The following ADA2 variants were observed in gnomAD, a reference collection of about 807,000 sequenced individuals.
ADA2 encodes adenosine deaminase CECR1.
ADA2 carries 29 observed loss-of-function variants against 44.2 expected under a neutral mutation model. That is an observed-to-expected ratio of 0.66 (90% CI 0.49 to 0.89). The LOEUF (loss-of-function observed/expected upper bound fraction) is 0.89. ADA2 is among the 40% of genes least tolerant of loss of function. The pLI, the probability that ADA2 is intolerant of heterozygous loss-of-function variation, is 0.00. For synonymous variants in ADA2, 215 were observed against 234.9 expected (o/e 0.92, Z 0.77); for missense variants, 637 against 644.8 (o/e 0.99, Z 0.13).
In ADA2 at chr22:17,188,868, A is replaced by AAAAAAAAAAAATATATATATATATAT; in HGVS notation, c.973-422_973-421insATATATATATATATATTTTTTTTTTT. On this transcript the variant is annotated intron_variant, in intron 6 of 9. Coordinates refer to ENST00000399837, the MANE Select transcript of ADA2 (RefSeq NM_001282225.2). ...CACTACAGCCTGGCCAAGAGCAAAA[A>AAAAAAAAAAAATATATATATATATAT]ATATATATATATATATATTTTGTAA... is the stretch of plus-strand genomic sequence containing the variant. 19 of 81,182 alleles carry AAAAAAAAAAAATATATATATATATAT rather than the reference A, an allele frequency of 2.3e-4. 1 individual carries two copies. Among genetic ancestry groups the AAAAAAAAAAAATATATATATATATAT allele is most frequent in the African/African-American group, 7.6e-4 (18 of 23,808 alleles). 5.0% of individuals were successfully genotyped at this position (81,182 alleles called of 1,614,324 possible).
intron 7 of ADA2, among the ~76,000 whole-genome samples, chr22:17,187,719 G>A (rs75473402): frequency 0.014 from 2,047 of 151,352 alleles, 43 homozygotes; most frequent in African/African-American, 0.047. Context: ...ACTCCACTGC[G>A]CACCAGCTCT....
intron 4 of ADA2, among the ~76,000 whole-genome samples, chr22:17,192,635 C>T (rs2062132850): frequency 6.6e-6 from 1 of 152,128 alleles, no homozygotes. Context: ...CAAGACCAGC[C>T]TGGCCAACAT....
At chr22:17,219,472 C>T (rs1166586645), upstream of ADA2, 1 of 152,270 alleles carries the variant, frequency 6.6e-6, no homozygotes, top group African/African-American at 2.4e-5. Context: ...TATTTCCCTC[C>T]AGTGTGCACC....
intron 4 of ADA2, among the ~76,000 whole-genome samples, chr22:17,202,729 A>C (rs928530764): frequency 2.6e-5 from 4 of 151,342 alleles, no homozygotes; most frequent in Non-Finnish European, 5.9e-5. Context: ...CCTGGCTCCA[A>C]TTCATCACCT....
At position 17,200,853 on chromosome 22, in the gene ADA2, G is replaced by A. The variant is rs543443280; in HGVS notation, c.753+2710C>T. Reference sequence around the variant, plus strand: ...ACCAAGATGGTGCCATTGCACTCCAGCCTGGGCAACAAGAGCGAAACTCTG... The same window carrying A: ...ACCAAGATGGTGCCATTGCACTCCAACCTGGGCAACAAGAGCGAAACTCTG... On this transcript the variant is annotated intron_variant, in intron 4 of 9. Coordinates refer to ENST00000399837, the MANE Select transcript of ADA2 (RefSeq NM_001282225.2). 2.0e-5 allele frequency among the ~76,000 whole-genome samples: 3 copies of A among 148,510 alleles called. No individual in the cohort carries two copies. In the East Asian group the frequency reaches 5.9e-4, roughly 29 times the overall value.
intron 6 of ADA2, among the ~76,000 whole-genome samples, chr22:17,189,174 G>A (rs1249315998): frequency 6.6e-6 from 1 of 151,760 alleles, no homozygotes. Context: ...AGGCCACCAA[G>A]GCTGGCTAAT....
chr22:17,199,428 T>TCCTCTATCCTCTTCCCCACCCTCCCCC, intron 4 of ADA2: 1 of 867,056 alleles, frequency 1.2e-6, no homozygotes, highest in Non-Finnish European at 1.9e-6. Flanking sequence ...CTCCCTCCCC[T>TCCTCTATCCTCTTCCCCACCCTCCCCC]CCTCTATCCT....
At chr22:17,207,044 A>T in intron 3 of ADA2, 27 bp downstream of exon 3, 1 of 1,571,480 alleles carries the variant, frequency 6.4e-7, no homozygotes, top group South Asian at 1.1e-5. Context: ...CAGGCCTGGG[A>T]CATGTGCTTT....
chr22:17,181,707 TG>T (rs2061970757), intron 9 of ADA2, 112 bp downstream of exon 9: 1 of 1,097,074 alleles, frequency 9.1e-7, no homozygotes, highest in East Asian at 2.3e-5. Context: ...ACAGCCATGA[TG>T]AGAAGGAACC....
At chr22:17,182,122 T>A (rs965860485) in intron 8 of ADA2, 100 bp from the exon 9 acceptor site, 1 of 881,760 alleles carries the variant, frequency 1.1e-6, no homozygotes, top group African/African-American at 1.7e-5. Flanking sequence ...CCCTTCATCT[T>A]CCCATCACTA....
intron 4 of ADA2, among the ~76,000 whole-genome samples, chr22:17,197,918 T>A (rs1340468271): frequency 2.6e-5 from 4 of 151,846 alleles, no homozygotes; most frequent in Non-Finnish European, 5.9e-5. Flanking sequence ...CATGCCTGTA[T>A]TCCCAGCTAC....
At chr22:17,190,340 G>C (rs908437281) in intron 5 of ADA2, among the ~76,000 whole-genome samples, 5 of 152,186 alleles carry the variant, frequency 3.3e-5, no homozygotes, top group Non-Finnish European at 7.3e-5. Context: ...GAGGAGGCCA[G>C]GTGGCCTTGT....
At chr22:17,206,005 GTAA>G (rs777537047) in intron 3 of ADA2, among the ~76,000 whole-genome samples, 1 of 152,040 alleles carries the variant, frequency 6.6e-6, no homozygotes, top group Non-Finnish European at 1.5e-5. Flanking sequence ...GTCTTAAATA[GTAA>G]TAATAATAAT....
chr22:17,220,116 T>A (rs575599020), upstream of ADA2, among the ~76,000 whole-genome samples: 3 of 152,296 alleles, frequency 2.0e-5, no homozygotes, highest in African/African-American at 7.2e-5. Flanking sequence ...CTCTGGGAAG[T>A]TCTCCTTCCT....
At chr22:17,182,344 TC>T (rs1220499550) in intron 8 of ADA2, among the ~76,000 whole-genome samples, 2 of 152,108 alleles carry the variant, frequency 1.3e-5, no homozygotes, top group East Asian at 1.9e-4. Flanking sequence ...TTCACTGGCC[TC>T]CCCCCATGTC....
At chr22:17,196,107 G>T (rs2062187467) in intron 4 of ADA2, among the ~76,000 whole-genome samples, 3 of 152,058 alleles carry the variant, frequency 2.0e-5, no homozygotes, top group Admixed American at 2.0e-4. Context: ...AGCACTTTGG[G>T]GGGCCAAGGC....
chr22:17,215,695 CAGA>C (rs918548765), intron 1 of ADA2, among the ~76,000 whole-genome samples: 1 of 152,038 alleles, frequency 6.6e-6, no homozygotes, highest in South Asian at 2.1e-4. Flanking sequence ...AAGCCAGACA[CAGA>C]AGGACAAACA....
At chr22:17,209,889 A>ATTTT (rs532707544) in intron 1 of ADA2, 166 bp from the exon 2 acceptor site, 59 of 401,974 alleles carry the variant, frequency 1.5e-4, no homozygotes, top group South Asian at 3.3e-4. Flanking sequence ...GGGTTTCCCA[A>ATTTT]TTTTTTTTTT....
intron 4 of ADA2, among the ~76,000 whole-genome samples, chr22:17,194,575 T>C (rs1295031420): frequency 6.6e-6 from 1 of 152,108 alleles, no homozygotes; most frequent in Non-Finnish European, 1.5e-5. Flanking sequence ...CTGTTTCCTC[T>C]GCTGCCCCCA....
Sources: allele counts gnomAD v4.1 joint callset (sites outside exome capture counted in the v4.1 genomes callset), GRCh38; gene constraint gnomAD v4.1.1; transcripts MANE v1.5; gene names NCBI Gene and HGNC (gene_info 2026-07-23, HGNC 2026-07-21).